The following GRK7 variants were observed in gnomAD, a reference collection of about 807,000 sequenced individuals.
The protein encoded by GRK7 is rhodopsin kinase GRK7.
GRK7 carries 24 observed loss-of-function variants against 34.1 expected under a neutral mutation model. That is an observed-to-expected ratio of 0.70 (90% CI 0.51 to 0.99). The LOEUF (loss-of-function observed/expected upper bound fraction) is 0.99, where lower values mean the gene tolerates loss of function less well. Ranked by LOEUF, GRK7 falls within the 50% of genes least tolerant of loss-of-function variation. The probability of loss-of-function intolerance (pLI) is 0.00; values close to 1 mark genes in which losing one functional copy is unlikely to be tolerated. For missense variants in GRK7, 644 were observed against 707.3 expected (o/e 0.91, Z 1.02); for synonymous variants, 256 against 279.4 (o/e 0.92, Z 0.84).
chr3:141,753,069 A>G, the GRK7 span, among the ~76,000 whole-genome samples: 6 of 152,332 alleles, frequency 3.9e-5, no homozygotes, highest in East Asian at 9.6e-4. Context: ...CAAGCTGACT[A>G]ATACCTGCCT....
chr3:141,774,963 T>G (rs1475234613), intron 2 of GRK7, among the ~76,000 whole-genome samples: 2 of 152,092 alleles, frequency 1.3e-5, no homozygotes, highest in African/African-American at 4.8e-5. Context: ...CAGCTTATTT[T>G]TGTGTTTTTA....
At position 141,807,590 on chromosome 3, in the gene GRK7, C is replaced by A. The variant is rs1711048240; in HGVS notation, c.1051-55C>A. The A allele has an allele frequency of 2.1e-5, 32 of 1,500,502 alleles. No homozygotes were observed. In the South Asian group the frequency reaches 3.8e-4, roughly 18 times the overall value. The allele number at this position is 1,500,502 out of a possible 1,614,324, so 92.9% of individuals were successfully genotyped here. On this transcript the variant is annotated intron_variant, in intron 4 of 5. Coordinates refer to ENST00000682958, the MANE Select transcript of GRK7 (RefSeq NM_139209.3). Reference sequence around the variant, plus strand: ...TAGGCAGTCAGCAGTGTCTGCTACACTCACCTTAGTGTCTTTGTTCTGTGT... The same window carrying A: ...TAGGCAGTCAGCAGTGTCTGCTACAATCACCTTAGTGTCTTTGTTCTGTGT...
Position 141,780,823 on chromosome 3 carries a change from TC to T in GRK7, c.1050+14del. On this transcript the variant is annotated intron_variant, in intron 4 of 5. Transcript: ENST00000682958. ...CCATCACCCAGAGGGTGAGTGACTCTCCACCTGCCCCAAGTGCGGGGCACAG... is the reference window on the plus strand; with the variant it reads ...CCATCACCCAGAGGGTGAGTGACTCTCACCTGCCCCAAGTGCGGGGCACAG... 1.2e-6 allele frequency: 2 copies of T among 1,604,408 alleles called. No individual in the cohort carries two copies. Among genetic ancestry groups the T allele is most frequent in the Non-Finnish European group, 1.7e-6 (2 of 1,173,432 alleles).
At chr3:141,755,644 C>T in the GRK7 span, among the ~76,000 whole-genome samples, 15 of 152,232 alleles carry the variant, frequency 9.9e-5, no homozygotes, top group Non-Finnish European at 1.9e-4. Context: ...CCACTATATA[C>T]CACCCTAGAA....
At chr3:141,792,922 A>C (rs1351016450) in intron 4 of GRK7, among the ~76,000 whole-genome samples, 1 of 152,150 alleles carries the variant, frequency 6.6e-6, no homozygotes, top group African/African-American at 2.4e-5. Context: ...ACTCCATAAA[A>C]ACCCAAAAGG....
chr3:141,798,704 A>C (rs576975713), intron 4 of GRK7, among the ~76,000 whole-genome samples: 2 of 152,334 alleles, frequency 1.3e-5, no homozygotes, highest in East Asian at 3.9e-4. Context: ...GGCAGTTCAC[A>C]TGCAGAAGAC....
At chr3:141,756,006 T>A in the GRK7 span, among the ~76,000 whole-genome samples, 2 of 120,402 alleles carry the variant, frequency 1.7e-5, no homozygotes, top group Admixed American at 7.7e-5. Context: ...TACTCAGCAG[T>A]TTAAAAAAAA....
At chr3:141,808,845 C>A (rs114965543) in intron 5 of GRK7, among the ~76,000 whole-genome samples, 5 of 152,060 alleles carry the variant, frequency 3.3e-5, no homozygotes, top group African/African-American at 1.2e-4. Context: ...TGCATAACAA[C>A]GTAGTGTGAA....
intron 5 of GRK7, among the ~76,000 whole-genome samples, chr3:141,814,885 GTT>G (rs1223656204): frequency 7.4e-6 from 1 of 135,108 alleles, no homozygotes; most frequent in Non-Finnish European, 1.6e-5. Flanking sequence ...TCCAATATCT[GTT>G]TTTGTTTGTT....
rs888391365 is a variant in GRK7 at position 141,816,729 on chromosome 3, T to A, written c.1341T>A (p.Asp447Glu). Residue 447 changes from aspartate to glutamate, a missense_variant, in exon 6 of 6, where the codon GAT (aspartate) becomes GAA (glutamate). Physicochemically the swap from Asp to Glu is conservative, Grantham distance 45. Coordinates refer to ENST00000682958, the MANE Select transcript of GRK7 (RefSeq NM_139209.3). ...QRLGSREKSDDPRKHHFFKTI... is the reference protein window; with the variant it reads ...QRLGSREKSDEPRKHHFFKTI... ...TTCTTCACAGAGAAAAGTCTGATGA[T>A]CCCAGGAAACATCATTTCTTTAAAA... 6.5e-7 allele frequency: 1 copy of A among 1,534,316 alleles called. No individual in the cohort carries two copies. The highest frequency in any genetic ancestry group is 8.8e-7 in the Non-Finnish European group (1 of 1,141,528).
intron 1 of GRK7, among the ~76,000 whole-genome samples, chr3:141,767,056 A>T (rs190209003): frequency 5.8e-4 from 88 of 152,356 alleles, no homozygotes; most frequent in Middle Eastern, 3.4e-3. Context: ...AGAGAGGAAG[A>T]TGTTTATGTT....
At chr3:141,797,230 C>T (rs1175005274) in intron 4 of GRK7, among the ~76,000 whole-genome samples, 1 of 152,174 alleles carries the variant, frequency 6.6e-6, no homozygotes, top group African/African-American at 2.4e-5. Flanking sequence ...TGATGGGATG[C>T]GCCCTCCCCG....
At chr3:141,752,805 T>G in the GRK7 span, among the ~76,000 whole-genome samples, 967 of 152,306 alleles carry the variant, frequency 6.3e-3, 5 homozygotes, top group Non-Finnish European at 0.01. Context: ...CCAATGTGAT[T>G]ATATTTTGAG....
Position 141,777,593 on chromosome 3 carries a change from C to A in GRK7, c.-113-579C>A, listed in dbSNP as rs528157552. ...CCTCGTGATCCGCCCGGAGATGGCC[C>A]CTCTTTTAACCCAAGGTACTCCAGG... On this transcript the variant is annotated intron_variant, in intron 2 of 5. Coordinates refer to ENST00000682958, the MANE Select transcript of GRK7 (RefSeq NM_139209.3). Among the ~76,000 whole-genome samples the A allele has an allele frequency of 5.3e-5, 8 of 149,980 alleles. 1 individual carries two copies. In the South Asian group the frequency reaches 1.7e-3, roughly 32 times the overall value.
At chr3:141,804,004 C>A (rs1559846811) in intron 4 of GRK7, among the ~76,000 whole-genome samples, 1 of 152,148 alleles carries the variant, frequency 6.6e-6, no homozygotes, top group South Asian at 2.1e-4. Flanking sequence ...CCACCACTGC[C>A]GGCTAGTACT....
chr3:141,798,032 T>C (rs1454555512), intron 4 of GRK7, among the ~76,000 whole-genome samples: 1 of 152,174 alleles, frequency 6.6e-6, no homozygotes, highest in African/African-American at 2.4e-5. Flanking sequence ...ACTGGGACTC[T>C]GTCCAGGGCC....
At position 141,773,319 on chromosome 3, in the gene GRK7, G is replaced by A. The variant is rs1055444734; in HGVS notation, c.-214-1261G>A. 2.6e-5 allele frequency among the ~76,000 whole-genome samples: 4 copies of A among 151,646 alleles called. No individual in the cohort carries two copies. In the Admixed American group the frequency reaches 2.6e-4, roughly 10 times the overall value. ...CCTCCCTGTCTTCTAGCTGCATGGG[G>A]CATCACAGTTTTCCGAGGTCATGTG... is the stretch of plus-strand genomic sequence containing the variant. On this transcript the variant is annotated intron_variant, in intron 1 of 5. Transcript: ENST00000682958.
rs551543729 is a variant in GRK7, at chr3:141,787,892, C to G, written c.1050+7081C>G. On this transcript the variant is annotated intron_variant, in intron 4 of 5. Coordinates refer to ENST00000682958, the MANE Select transcript of GRK7 (RefSeq NM_139209.3). Reference sequence around the variant, plus strand: ...GGGCATGATGGTATGCACCTGTAATCCCAGCTACTCAGGAGGCTGAGGCAG... The same window carrying G: ...GGGCATGATGGTATGCACCTGTAATGCCAGCTACTCAGGAGGCTGAGGCAG... Among the ~76,000 whole-genome samples the G allele has an allele frequency of 5.9e-5, 9 of 151,754 alleles. No homozygotes were observed. In the South Asian group the frequency reaches 1.5e-3, roughly 25 times the overall value.
At position 141,787,366 on chromosome 3, in the gene GRK7, A is replaced by G. The variant is rs573744983; in HGVS notation, c.1050+6555A>G. Among the ~76,000 whole-genome samples, 6 of 152,264 alleles carry G rather than the reference A, an allele frequency of 3.9e-5. No individual in the cohort carries two copies. In the South Asian group the frequency reaches 1.0e-3, roughly 26 times the overall value. ...GGGCTGGGTGCTATGGCTGATGCCT[A>G]TAATCCCAGCAGTTTGGGAGGCTGA... On this transcript the variant is annotated intron_variant, in intron 4 of 5. Transcript: ENST00000682958.
Sources: gnomAD v4.1 joint callset for allele counts (sites outside exome capture counted in the v4.1 genomes callset) on GRCh38, gnomAD v4.1.1 for gene constraint, MANE v1.5 for transcripts, NCBI Gene and HGNC (gene_info 2026-07-23, HGNC 2026-07-21) for gene names.